Variants in KATNIP observed in about 807,000 individuals in gnomAD.
The protein encoded by KATNIP is katanin interacting protein.
A neutral mutation model predicts 174.0 loss-of-function variants in KATNIP; 126 were observed. The observed-to-expected ratio is 0.72, with a 90% CI of 0.63 to 0.84. KATNIP has a LOEUF of 0.84. KATNIP is among the 40% of genes least tolerant of loss of function. KATNIP has a pLI of 0.00. For missense variants in KATNIP, 1,958 were observed against 2,109.7 expected, an observed-to-expected ratio of 0.93 and a Z score of 1.41; for synonymous variants, 810 against 835.7, an observed-to-expected ratio of 0.97 and a Z score of 0.53.
At chr16:27,584,480 C>A (rs528225294) in intron 2 of KATNIP, among the ~76,000 whole-genome samples, 1 of 152,116 alleles carries the variant, frequency 6.6e-6, no homozygotes, top group Non-Finnish European at 1.5e-5. Flanking sequence ...GGAATAGTAA[C>A]TGACAGCACA....
chr16:27,643,673 C>T lies in KATNIP; in HGVS notation c.409-4931C>T, dbSNP rs180884891. On this transcript the variant is annotated intron_variant, in intron 5 of 27. Transcript: ENST00000261588. ...TGGAGTGGCACCCAGTGACATGGCA[C>T]GTAGTGTGAAAGCGTTGATGGGTGA... 2.3e-3 allele frequency among the ~76,000 whole-genome samples: 342 copies of T among 148,360 alleles called. 1 individual carries two copies. Among genetic ancestry groups the T allele is most frequent in the African/African-American group, 7.6e-3 (305 of 40,080 alleles).
chr16:27,714,611 A>G lies in KATNIP; in HGVS notation c.1605+5691A>G, dbSNP rs115933260. ...GATGGGGGAGAAGATTAAAATTACT[A>G]AAATCAAGAATGATAGAGAGAACAT... On this transcript the variant is annotated intron_variant, in intron 13 of 27. Coordinates refer to ENST00000261588, the MANE Select transcript of KATNIP (RefSeq NM_015202.5). Among the ~76,000 whole-genome samples, 1,026 of 152,306 alleles carry G rather than the reference A, an allele frequency of 6.7e-3. 19 individuals are homozygous for G. Among genetic ancestry groups the G allele is most frequent in the African/African-American group, 0.023 (974 of 41,574 alleles).
intron 6 of KATNIP, among the ~76,000 whole-genome samples, chr16:27,669,500 T>G (rs2077812079): frequency 6.6e-6 from 1 of 152,224 alleles, no homozygotes. Context: ...AGTATGTTTT[T>G]TCAGAGAAAT....
At position 27,774,387 on chromosome 16, in the gene KATNIP, T is replaced by A. The variant is rs534791816; in HGVS notation, c.4310-558T>A. The stretch of plus-strand genomic sequence containing the variant: ...GGAGCTGGAGGTTTTTATACCCATT[T>A]TACAGATGGGAAAACAGGCCCAGGG... On this transcript the variant is annotated intron_variant, in intron 23 of 27. Coordinates refer to ENST00000261588, the MANE Select transcript of KATNIP (RefSeq NM_015202.5). Among the ~76,000 whole-genome samples the A allele has an allele frequency of 5.9e-5, 9 of 152,286 alleles. No individual in the cohort carries two copies. In the East Asian group the frequency reaches 1.7e-3, roughly 29 times the overall value.
intron 2 of KATNIP, among the ~76,000 whole-genome samples, chr16:27,585,837 C>T (rs1596808632): frequency 1.3e-5 from 2 of 152,302 alleles, no homozygotes; most frequent in East Asian, 3.9e-4. Flanking sequence ...TGCAGTGGCT[C>T]ACACCTGTAA....
chr16:27,550,260 C>T, intron 1 of KATNIP, 83 bp downstream of exon 1: 1 of 1,501,622 alleles, frequency 6.7e-7, no homozygotes, highest in Non-Finnish European at 9.1e-7. Context: ...AATCCTAGGC[C>T]ATGAACCCCT....
At position 27,759,636 on chromosome 16, in the gene KATNIP, A is replaced by G. The variant is rs537112926; in HGVS notation, c.3632-1777A>G. ...GGACATCTTCACCCACCCGTCTGGCAGTGGGGAGGCTGCTGGCCAGAGAGA... is the reference window on the plus strand; with the variant it reads ...GGACATCTTCACCCACCCGTCTGGCGGTGGGGAGGCTGCTGGCCAGAGAGA... On this transcript the variant is annotated intron_variant, in intron 18 of 27. Coordinates refer to ENST00000261588, the MANE Select transcript of KATNIP (RefSeq NM_015202.5). Among the ~76,000 whole-genome samples the G allele has an allele frequency of 5.1e-4, 77 of 152,300 alleles. 1 individual carries two copies. The highest frequency in any genetic ancestry group is 1.8e-3 in the African/African-American group (74 of 41,568).
rs201504371 is a variant in KATNIP at position 27,740,266 on chromosome 16, C to T, written c.1969C>T (p.Leu657Phe). ...TGCCAGCGGGGACAAGGAGCTTGGTCTCGGTTGCTCACCGCCAGCTGAAAC... is the reference window on the plus strand; with the variant it reads ...TGCCAGCGGGGACAAGGAGCTTGGTTTCGGTTGCTCACCGCCAGCTGAAAC... Reference protein sequence around the residue: ...AGASGDKELGLGCSPPAETLA... With the variant: ...AGASGDKELGFGCSPPAETLA... The change falls in exon 15 of 28, where the codon CTC becomes TTC. Residue 657 changes from leucine to phenylalanine, a missense_variant. Around this residue, in one of 3 missense-constraint regions of KATNIP, gnomAD observed 1,557 missense variants for 1,617.8 expected, o/e 0.96. Transcript: ENST00000261588. 3.7e-6 allele frequency: 6 copies of T among 1,614,240 alleles called. No individual in the cohort carries two copies. The South Asian group carries it at 6.6e-5, about 18-fold the overall frequency.
chr16:27,566,527 ACT>A (rs2090096028), intron 1 of KATNIP, among the ~76,000 whole-genome samples: 1 of 148,474 alleles, frequency 6.7e-6, no homozygotes, highest in Non-Finnish European at 1.5e-5. Flanking sequence ...ACAGAGTGAG[ACT>A]CTGTCTAAAA....
At chr16:27,630,975 C>T (rs978198440) in intron 4 of KATNIP, 90 bp from the exon 5 acceptor site, 22 of 965,288 alleles carry the variant, frequency 2.3e-5, no homozygotes, top group African/African-American at 1.9e-4. Flanking sequence ...CACACTGATA[C>T]GCATTTTAGA....
intron 2 of KATNIP, among the ~76,000 whole-genome samples, chr16:27,588,515 A>G (rs562459060): frequency 1.5e-3 from 221 of 152,002 alleles, no homozygotes; most frequent in Non-Finnish European, 2.3e-3. Context: ...TTGCTCTGCC[A>G]CTCAGGCTGG....
chr16:27,628,641 A>G lies in KATNIP; in HGVS notation c.141-20A>G, dbSNP rs139851851. 322 of 1,612,986 alleles carry G rather than the reference A, an allele frequency of 2.0e-4. 1 individual carries two copies. The African/African-American group carries it at 3.7e-3, about 19-fold the overall frequency. ...GACTCTCAAATGATGAGGAGGAACAACCCACCGTTTCTCTTTCAGGATATT... is the reference window on the plus strand; with the variant it reads ...GACTCTCAAATGATGAGGAGGAACAGCCCACCGTTTCTCTTTCAGGATATT... On this transcript the variant is annotated intron_variant, in intron 3 of 27. Transcript: ENST00000261588.
intron 3 of KATNIP, among the ~76,000 whole-genome samples, chr16:27,621,983 A>G (rs2076209998): frequency 6.6e-6 from 1 of 152,042 alleles, no homozygotes; most frequent in South Asian, 2.1e-4. Context: ...TCCTAACTAT[A>G]TACAAGCCAA....
chr16:27,630,536 A>G (rs950749527), intron 4 of KATNIP, among the ~76,000 whole-genome samples: 2 of 152,222 alleles, frequency 1.3e-5, no homozygotes, highest in African/African-American at 2.4e-5. Flanking sequence ...CAAAGAGGGA[A>G]ACCAGTGGCT....
intron 12 of KATNIP, among the ~76,000 whole-genome samples, chr16:27,704,304 A>G (rs2079215010): frequency 6.6e-6 from 1 of 152,258 alleles, no homozygotes; most frequent in Non-Finnish European, 1.5e-5. Context: ...AATTACAGCA[A>G]CCTAAATGTC....
At chr16:27,694,167 G>C (rs2078835272) in intron 8 of KATNIP, among the ~76,000 whole-genome samples, 4 of 152,154 alleles carry the variant, frequency 2.6e-5, no homozygotes, top group Admixed American at 6.5e-5. Context: ...GGCTGTCCTG[G>C]AAAGCAGCCC....
At chr16:27,674,295 T>A (rs1473388244) in intron 6 of KATNIP, among the ~76,000 whole-genome samples, 3 of 152,192 alleles carry the variant, frequency 2.0e-5, no homozygotes, top group Non-Finnish European at 4.4e-5. Flanking sequence ...CCAAAATCAG[T>A]TTCACTGGTC....
chr16:27,551,323 G>A (rs1194542357), intron 1 of KATNIP, among the ~76,000 whole-genome samples: 1 of 152,122 alleles, frequency 6.6e-6, no homozygotes, highest in East Asian at 1.9e-4. Context: ...TGGAGAAAAT[G>A]TTTTTAATTG....
At chr16:27,605,782 A>G (rs536742000) in intron 2 of KATNIP, among the ~76,000 whole-genome samples, 10 of 152,108 alleles carry the variant, frequency 6.6e-5, no homozygotes, top group Non-Finnish European at 1.3e-4. Context: ...ACTGCAGAGT[A>G]TATTTCTGTT....
Sources: allele counts gnomAD v4.1 joint callset (sites outside exome capture counted in the v4.1 genomes callset), GRCh38; gene constraint gnomAD v4.1.1; regional missense constraint gnomAD v4.1.1; transcripts MANE v1.5; gene names NCBI Gene and HGNC (gene_info 2026-07-23, HGNC 2026-07-21).